Variants in TEX2 observed in about 807,000 individuals in gnomAD.
TEX2 encodes the protein testis-expressed protein 2.
In TEX2, 53 loss-of-function variants were observed where a neutral mutation model predicts 106.9. That is an observed-to-expected ratio of 0.50 (90% confidence interval 0.40 to 0.62). The LOEUF is 0.62. Ranked by LOEUF, TEX2 falls within the 20% of genes least tolerant of loss-of-function variation. The pLI, the probability that TEX2 is intolerant of heterozygous loss-of-function variation, is 0.00. For synonymous variants in TEX2, 523 were observed against 534.8 expected (o/e 0.98, Z 0.30); for missense variants, 1,207 against 1,379.0 (o/e 0.88, Z 1.98).
intron 5 of TEX2, among the ~76,000 whole-genome samples, chr17:64,177,728 T>TC (rs2031672068): frequency 1.3e-5 from 2 of 152,202 alleles, no homozygotes; most frequent in African/African-American, 2.4e-5. Flanking sequence ...CCAGCTAATA[T>TC]TTCATACTAT....
intron 2 of TEX2, among the ~76,000 whole-genome samples, chr17:64,211,704 T>TG (rs111245317): frequency 0.05 from 7,640 of 151,808 alleles, 219 homozygotes; most frequent in Middle Eastern, 0.075. Flanking sequence ...TTGGTATCCT[T>TG]GGGGGGGGTC....
intron 1 of TEX2, among the ~76,000 whole-genome samples, chr17:64,224,810 T>C (rs991281649): frequency 2.6e-5 from 4 of 151,954 alleles, no homozygotes; most frequent in Non-Finnish European, 5.9e-5. Context: ...ACAATTAGAA[T>C]TTTGCTTTAT....
chr17:64,213,394 C>A lies in TEX2; in HGVS notation c.824G>T (p.Arg275Leu), dbSNP rs781936117. The change falls in exon 2 of 12, where the codon CGT becomes CTT. Residue 275 changes from arginine (R) to leucine (L), a missense_variant. Physicochemically the swap from Arg to Leu is moderately radical, Grantham distance 102 (BLOSUM62 -2). Transcript: ENST00000584379. The surrounding 1 kb of genome is among the most constrained non-coding windows in gnomAD (Gnocchi z 4.4). Reference sequence around the variant, plus strand: ...CATTTCGGGCACTTTAAAAAAGGAACGAGTATCAGAGGGAGAAGTCAGTGG... The same window carrying A: ...CATTTCGGGCACTTTAAAAAAGGAAAGAGTATCAGAGGGAGAAGTCAGTGG... ...SSPLTSPSDTRSFFKVPEMEA... is the reference protein window; with the variant it reads ...SSPLTSPSDTLSFFKVPEMEA... The A allele has an allele frequency of 1.2e-6, 2 of 1,613,836 alleles. No individual in the cohort carries two copies. Among genetic ancestry groups the A allele is most frequent in the African/African-American group, 1.3e-5 (1 of 74,898 alleles).
At chr17:64,172,352 C>A (rs78193283) in intron 6 of TEX2, among the ~76,000 whole-genome samples, 104 of 131,822 alleles carry the variant, frequency 7.9e-4, no homozygotes, top group Non-Finnish European at 7.5e-4. Flanking sequence ...GAATCCGTCT[C>A]AAAAAAAAAA....
intron 1 of TEX2, among the ~76,000 whole-genome samples, chr17:64,218,127 T>G (rs962582994): frequency 6.6e-6 from 1 of 152,070 alleles, no homozygotes; most frequent in African/African-American, 2.4e-5. Flanking sequence ...ACACCTGTAA[T>G]CCCAGCTACT....
At chr17:64,172,066 A>G (rs2031428726) in intron 6 of TEX2, among the ~76,000 whole-genome samples, 1 of 151,850 alleles carries the variant, frequency 6.6e-6, no homozygotes, top group Non-Finnish European at 1.5e-5. Context: ...GAAAAACAGC[A>G]CATGCTGGCC....
intron 1 of TEX2, among the ~76,000 whole-genome samples, chr17:64,225,354 G>A (rs116020328): frequency 4.1e-4 from 62 of 152,210 alleles, no homozygotes; most frequent in African/African-American, 1.4e-3. Flanking sequence ...CATTGAGATG[G>A]GAACAAGGCA....
In TEX2 at chr17:64,213,136, T is replaced by A; in HGVS notation, c.1082A>T (p.Asp361Val). The A allele has an allele frequency of 6.2e-7, 1 of 1,614,228 alleles. No individual in the cohort carries two copies. Residue 361 changes from aspartate to valine, a missense_variant, in exon 2 of 12, where the codon GAT (aspartate) becomes GTT (valine). Physicochemically the swap from Asp to Val is radical, Grantham distance 152. Coordinates refer to ENST00000584379, the MANE Select transcript of TEX2 (RefSeq NM_001288732.2). This position sits in a 1 kb window ranked among gnomAD's most constrained non-coding sequence, Gnocchi z 4.4. ...GTGGTCACTTCTGGGGATGTTGGAA[T>A]CACTTCCGTAGCCATCCCCCTCAGA... is the stretch of plus-strand genomic sequence containing the variant. ...CDSEGDGYGSDSNIPRSDHPK... is the reference protein window; with the variant it reads ...CDSEGDGYGSVSNIPRSDHPK...
chr17:64,218,405 C>CTTTTT (rs10526886), intron 1 of TEX2, among the ~76,000 whole-genome samples: 1 of 120,634 alleles, frequency 8.3e-6, no homozygotes, highest in African/African-American at 3.6e-5. Context: ...GACACTTTCA[C>CTTTTT]TTTTTTTTTT....
intron 2 of TEX2, among the ~76,000 whole-genome samples, chr17:64,196,982 A>ATTTTTTTTTTTTTTTTTTTT: frequency 1.6e-5 from 1 of 63,568 alleles, no homozygotes; most frequent in South Asian, 7.0e-4. Context: ...TCAAATCAAG[A>ATTTTTTTTTTTTTTTTTTTT]TTTTTTTTTT....
chr17:64,244,054 G>A (rs903409214), intron 1 of TEX2, among the ~76,000 whole-genome samples: 16 of 152,054 alleles, frequency 1.1e-4, no homozygotes, highest in Admixed American at 5.9e-4. Context: ...TGATCCGCCC[G>A]CCTCGGTTTC....
chr17:64,215,703 G>A (rs782453255), intron 1 of TEX2, among the ~76,000 whole-genome samples: 6 of 152,160 alleles, frequency 3.9e-5, no homozygotes, highest in Non-Finnish European at 7.3e-5. Flanking sequence ...AACGCTACAC[G>A]TTTATGTTTA....
chr17:64,239,075 G>C (rs1482939621), intron 1 of TEX2: 1 of 152,190 alleles, frequency 6.6e-6, no homozygotes, highest in African/African-American at 2.4e-5. Flanking sequence ...AACTGAGTCA[G>C]AGAAATTGAA....
At chr17:64,248,729 A>G (rs926279678) in intron 1 of TEX2, among the ~76,000 whole-genome samples, 18 of 151,790 alleles carry the variant, frequency 1.2e-4, no homozygotes, top group Admixed American at 1.2e-3. Context: ...GTGTACCCAC[A>G]TTGACAGAAA....
intron 8 of TEX2, 72 bp downstream of exon 8, chr17:64,160,729 T>C (rs940007757): frequency 1.3e-6 from 2 of 1,573,294 alleles, no homozygotes; most frequent in African/African-American, 1.4e-5. Context: ...ACATCAAATC[T>C]GCTTCTCAAA....
At chr17:64,204,429 T>C (rs1171188923) in intron 2 of TEX2, among the ~76,000 whole-genome samples, 1 of 152,246 alleles carries the variant, frequency 6.6e-6, no homozygotes, top group Non-Finnish European at 1.5e-5. Context: ...TTTCAGAGTC[T>C]TACTGATAAT....
intron 1 of TEX2, among the ~76,000 whole-genome samples, chr17:64,233,741 C>A (rs572839538): frequency 6.6e-6 from 1 of 152,228 alleles, no homozygotes; most frequent in Non-Finnish European, 1.5e-5. Context: ...TGCTTTCTAA[C>A]AGGCTATTGC....
At chr17:64,172,815 C>G (rs1161026841) in intron 6 of TEX2, among the ~76,000 whole-genome samples, 1 of 152,168 alleles carries the variant, frequency 6.6e-6, no homozygotes, top group African/African-American at 2.4e-5. Flanking sequence ...TGCTGGGACC[C>G]TGACTAATAC....
At position 64,256,888 on chromosome 17, in the gene TEX2, A is replaced by G. The variant is rs116750304; in HGVS notation, c.-26+6280T>C. Among the ~76,000 whole-genome samples the G allele has an allele frequency of 5.5e-3, 839 of 152,364 alleles. 6 individuals carry two copies. Among genetic ancestry groups the G allele is most frequent in the Middle Eastern group, 0.031 (9 of 294 alleles). On this transcript the variant is annotated intron_variant, in intron 1 of 11. Transcript: ENST00000584379. ...CATCTATAAGAATACAGCCCAAAAGACAGCATGAGGTCCAAGAAAGGACTG... is the reference window on the plus strand; with the variant it reads ...CATCTATAAGAATACAGCCCAAAAGGCAGCATGAGGTCCAAGAAAGGACTG...
Sources: gnomAD v4.1 joint callset for allele counts (sites outside exome capture counted in the v4.1 genomes callset) on GRCh38, gnomAD v4.1.1 for gene constraint, Gnocchi (gnomAD v3.1) non-coding constraint, MANE v1.5 for transcripts, NCBI Gene and HGNC (gene_info 2026-07-23, HGNC 2026-07-21) for gene names.